Variants in TLCD4 observed in about 807,000 individuals in gnomAD.
The protein encoded by TLCD4 is TLC domain-containing protein 4.
Under a neutral mutation model 24.2 loss-of-function variants are expected in TLCD4, and 7 were observed. That is an observed-to-expected ratio of 0.29 (90% CI 0.16 to 0.54). TLCD4 has a LOEUF of 0.54. Ranked by LOEUF, TLCD4 falls within the 20% of genes least tolerant of loss-of-function variation. The pLI is 0.95. For synonymous variants in TLCD4, 103 were observed against 106.4 expected, an observed-to-expected ratio of 0.97 and a Z score of 0.20; for missense variants, 259 against 313.9, an observed-to-expected ratio of 0.82 and a Z score of 1.32.
At chr1:95,112,152 C>G in the TLCD4 span, among the ~76,000 whole-genome samples, 4 of 152,094 alleles carry the variant, frequency 2.6e-5, no homozygotes, top group African/African-American at 9.7e-5. Context: ...CCCCCTCTTT[C>G]CTGTGGCGAC....
Position 95,155,329 on chromosome 1 carries a change from T to C in TLCD4, c.399+3910T>C, listed in dbSNP as rs567717193. Among the ~76,000 whole-genome samples the C allele has an allele frequency of 2.3e-4, 35 of 152,094 alleles. 1 individual carries two copies. The highest frequency in any genetic ancestry group is 2.3e-3 in the South Asian group (11 of 4,812). On this transcript the variant is annotated intron_variant, in intron 5 of 6. Coordinates refer to ENST00000370203, the MANE Select transcript of TLCD4 (RefSeq NM_152487.3). ...ACAGTCATGCAGAGGCCATGGCAAATGTAGATTTTACTCTATGCAAAGCTC... is the reference window on the plus strand; with the variant it reads ...ACAGTCATGCAGAGGCCATGGCAAACGTAGATTTTACTCTATGCAAAGCTC...
chr1:95,176,426 A>G (rs573699881), intron 6 of TLCD4, among the ~76,000 whole-genome samples: 24 of 152,154 alleles, frequency 1.6e-4, no homozygotes, highest in African/African-American at 5.8e-4. Context: ...CTTGACCTCA[A>G]GTAATCCTCC....
upstream of TLCD4, among the ~76,000 whole-genome samples, chr1:95,115,295 A>C (rs1334731084): frequency 1.3e-5 from 2 of 152,088 alleles, no homozygotes; most frequent in East Asian, 3.9e-4. Context: ...TTTAGTAGAG[A>C]CAGGGTTTCT....
At chr1:95,159,687 G>C (rs183518587) in intron 5 of TLCD4, among the ~76,000 whole-genome samples, 1 of 152,264 alleles carries the variant, frequency 6.6e-6, no homozygotes, top group African/African-American at 2.4e-5. Flanking sequence ...TTTGTTTAAG[G>C]TGTAAGGAAG....
rs1308215945 is a variant in TLCD4, at chr1:95,193,024, TTC to T, written c.*1158_*1159del. 1 of 152,132 alleles carries T rather than the reference TTC, an allele frequency of 6.6e-6. No homozygotes were observed. The highest frequency in any genetic ancestry group is 1.9e-4 in the East Asian group (1 of 5,196). 9.4% of individuals were successfully genotyped at this position (152,132 alleles called of 1,614,324 possible). A position where few individuals can be genotyped will look rare whatever the true frequency, so the allele number is the denominator to read the frequency against. ...TTGCACTTTTTCTGTGAAAAATATT[TTC>T]TGTTTGCAAAATCTTCCCTGAGTTC... On this transcript the variant is annotated 3_prime_UTR_variant, in exon 7 of 7. Transcript: ENST00000370203.
At chr1:95,164,341 C>T (rs1319315951) in intron 5 of TLCD4, 1 of 152,302 alleles carries the variant, frequency 6.6e-6, no homozygotes, top group Non-Finnish European at 1.5e-5. Context: ...TTTGTTAAGG[C>T]TGTTGGAAAA....
the TLCD4 span, among the ~76,000 whole-genome samples, chr1:95,109,264 C>G: frequency 1.3e-4 from 20 of 152,092 alleles, no homozygotes; most frequent in South Asian, 6.2e-4. Flanking sequence ...GAGGTTGATG[C>G]TACAGGGAGG....
intron 1 of TLCD4, among the ~76,000 whole-genome samples, chr1:95,142,822 T>A (rs1677242262): frequency 6.6e-6 from 1 of 152,200 alleles, no homozygotes; most frequent in South Asian, 2.1e-4. Flanking sequence ...TGGTGGTGCG[T>A]GCCTGTAATC....
chr1:95,149,327 A>C (rs1677430638), intron 3 of TLCD4, among the ~76,000 whole-genome samples: 1 of 152,150 alleles, frequency 6.6e-6, no homozygotes, highest in African/African-American at 2.4e-5. Flanking sequence ...AAAAATTTAA[A>C]TGTCATTCCA....
chr1:95,166,099 G>C (rs1377657720), intron 5 of TLCD4, among the ~76,000 whole-genome samples: 1 of 152,204 alleles, frequency 6.6e-6, no homozygotes, highest in African/African-American at 2.4e-5. Context: ...GGAAATCTGA[G>C]AGAGCAGTAT....
intron 5 of TLCD4, among the ~76,000 whole-genome samples, chr1:95,168,343 A>G (rs142589495): frequency 2.6e-5 from 4 of 152,124 alleles, no homozygotes; most frequent in African/African-American, 7.2e-5. Flanking sequence ...TTCTGTTACA[A>G]TGGTCCCACA....
At chr1:95,159,597 T>C (rs561077421) in intron 5 of TLCD4, among the ~76,000 whole-genome samples, 1 of 152,338 alleles carries the variant, frequency 6.6e-6, no homozygotes, top group East Asian at 1.9e-4. Flanking sequence ...ATGTCCTGAA[T>C]GGTATTGCCT....
At chr1:95,145,960 C>T (rs1677334524) in intron 2 of TLCD4, among the ~76,000 whole-genome samples, 1 of 152,100 alleles carries the variant, frequency 6.6e-6, no homozygotes, top group Admixed American at 6.6e-5. Flanking sequence ...GCTTCTCACT[C>T]CAGCTTTTTT....
chr1:95,102,503 G>A, the TLCD4 span, among the ~76,000 whole-genome samples: 1 of 152,276 alleles, frequency 6.6e-6, no homozygotes, highest in East Asian at 1.9e-4. Context: ...AGAAAGAAGA[G>A]TATGGAAAGG....
intron 2 of TLCD4, 108 bp from the exon 3 acceptor site, chr1:95,148,594 A>G (rs1677410566): frequency 6.8e-7 from 1 of 1,462,242 alleles, no homozygotes; most frequent in Non-Finnish European, 9.3e-7. Context: ...TCACACCTGT[A>G]TATAAATGCT....
intron 1 of TLCD4, among the ~76,000 whole-genome samples, chr1:95,128,883 G>A (rs1473863659): frequency 6.6e-6 from 1 of 152,186 alleles, no homozygotes; most frequent in Non-Finnish European, 1.5e-5. Flanking sequence ...GATTATGACA[G>A]GAAAAGAAAA....
intron 6 of TLCD4, among the ~76,000 whole-genome samples, chr1:95,178,398 T>G (rs986882519): frequency 1.3e-5 from 2 of 152,094 alleles, no homozygotes; most frequent in Admixed American, 6.6e-5. Context: ...TAGCTGGGAT[T>G]ACAGGCATTC....
Position 95,192,131 on chromosome 1 carries a change from A to C in TLCD4, c.*263A>C. 1 of 498,310 alleles carries C rather than the reference A, an allele frequency of 2.0e-6. No homozygotes were observed. Among genetic ancestry groups the C allele is most frequent in the Non-Finnish European group, 2.9e-6 (1 of 340,208 alleles). The allele number at this position is 498,310 out of a possible 1,614,324, so 30.9% of individuals were successfully genotyped here. A position where few individuals can be genotyped will look rare whatever the true frequency, so the allele number is the denominator to read the frequency against. ...GCCAACATGGTGAAACCTCATCTCT[A>C]CTAAAAATACAAAAAAAAGTAGCTG... On this transcript the variant is annotated 3_prime_UTR_variant, in exon 7 of 7. Transcript: ENST00000370203.
At chr1:95,149,149 C>CT (rs1305246465) in intron 3 of TLCD4, among the ~76,000 whole-genome samples, 1 of 152,062 alleles carries the variant, frequency 6.6e-6, no homozygotes, top group Non-Finnish European at 1.5e-5. Flanking sequence ...CTACTTAAGA[C>CT]TTTTTTGTCT....
Sources: allele counts gnomAD v4.1 joint callset (sites outside exome capture counted in the v4.1 genomes callset), GRCh38; gene constraint gnomAD v4.1.1; transcripts MANE v1.5; gene names NCBI Gene and HGNC (gene_info 2026-07-23, HGNC 2026-07-21).